GPC6: variants seen among roughly 807,000 people sequenced by gnomAD.
GPC6 encodes glypican-6.
In GPC6, 14 loss-of-function variants were observed where a neutral mutation model predicts 55.2. That is an observed-to-expected ratio of 0.25 (90% CI 0.17 to 0.40). The LOEUF (loss-of-function observed/expected upper bound fraction) is 0.40, where lower values mean the gene tolerates loss of function less well. GPC6 is among the 10% of genes least tolerant of loss of function. GPC6 has a pLI of 1.00. For missense variants in GPC6, 641 were observed against 708.5 expected (o/e 0.90, Z 1.08); for synonymous variants, 278 against 259.6 (o/e 1.07, Z -0.68).
At chr13:94,251,307 G>C (rs1411677777) in intron 4 of GPC6, among the ~76,000 whole-genome samples, 9 of 151,658 alleles carry the variant, frequency 5.9e-5, no homozygotes, top group Admixed American at 4.6e-4. Flanking sequence ...GGCAGGGGGT[G>C]GGGGGCAAAG....
At chr13:93,776,923 G>A (rs1041387924) in intron 2 of GPC6, among the ~76,000 whole-genome samples, 1 of 152,142 alleles carries the variant, frequency 6.6e-6, no homozygotes, top group Non-Finnish European at 1.5e-5. Flanking sequence ...AAACTATACG[G>A]AACAGTTGTG....
At chr13:93,439,814 C>A (rs558999913) in intron 1 of GPC6, among the ~76,000 whole-genome samples, 1 of 152,132 alleles carries the variant, frequency 6.6e-6, no homozygotes, top group African/African-American at 2.4e-5. Flanking sequence ...AGATATCTTC[C>A]TCTTCTACGC....
intron 6 of GPC6, among the ~76,000 whole-genome samples, chr13:94,316,295 G>A (rs945486024): frequency 5.9e-5 from 9 of 152,110 alleles, no homozygotes; most frequent in Non-Finnish European, 1.2e-4. Flanking sequence ...GATGCCAACG[G>A]AGCTTACCTG....
intron 1 of GPC6, among the ~76,000 whole-genome samples, chr13:93,351,191 G>A (rs1176390034): frequency 6.6e-6 from 1 of 152,076 alleles, no homozygotes; most frequent in Non-Finnish European, 1.5e-5. Flanking sequence ...ACAAGAAACA[G>A]CATTCCCAAC....
chr13:93,311,449 A>G (rs1879065107), intron 1 of GPC6, among the ~76,000 whole-genome samples: 1 of 152,138 alleles, frequency 6.6e-6, no homozygotes, highest in Non-Finnish European at 1.5e-5. Flanking sequence ...CTTCTCTTTC[A>G]GACATAGGAC....
intron 4 of GPC6, among the ~76,000 whole-genome samples, chr13:94,085,824 T>A (rs1281217396): frequency 6.6e-6 from 1 of 152,202 alleles, no homozygotes; most frequent in Non-Finnish European, 1.5e-5. Flanking sequence ...TTGCTCTACA[T>A]TCTCTTAAAT....
At chr13:94,259,303 A>T (rs1429513288) in intron 4 of GPC6, among the ~76,000 whole-genome samples, 2 of 152,210 alleles carry the variant, frequency 1.3e-5, no homozygotes, top group Non-Finnish European at 2.9e-5. Context: ...ATAGGGTTAG[A>T]CTAACCAGAA....
chr13:93,662,602 C>T (rs183633434), intron 2 of GPC6, among the ~76,000 whole-genome samples: 5 of 152,062 alleles, frequency 3.3e-5, no homozygotes, highest in African/African-American at 9.6e-5. Flanking sequence ...TGCACTCAAG[C>T]CTGGGGTACA....
chr13:93,927,983 C>G (rs1877948508), intron 3 of GPC6, among the ~76,000 whole-genome samples: 1 of 151,646 alleles, frequency 6.6e-6, no homozygotes, highest in African/African-American at 2.4e-5. Context: ...TTCAGATGAT[C>G]CAGGTCTGAT....
chr13:93,777,161 C>T (rs928731425), intron 2 of GPC6, among the ~76,000 whole-genome samples: 2 of 152,144 alleles, frequency 1.3e-5, no homozygotes, highest in African/African-American at 4.8e-5. Flanking sequence ...GTCATAATTG[C>T]CTAGCCATAG....
chr13:94,282,531 C>G (rs1325367368), intron 4 of GPC6, among the ~76,000 whole-genome samples: 1 of 152,174 alleles, frequency 6.6e-6, no homozygotes, highest in Non-Finnish European at 1.5e-5. Context: ...GGGACACAGC[C>G]AAACCATATC....
intron 1 of GPC6, among the ~76,000 whole-genome samples, chr13:93,333,017 G>A (rs1055843396): frequency 4.6e-5 from 7 of 152,128 alleles, no homozygotes. Context: ...CTGTAAATGT[G>A]TGGATTTATC....
chr13:93,424,695 A>T (rs927796037), intron 1 of GPC6, among the ~76,000 whole-genome samples: 1 of 152,080 alleles, frequency 6.6e-6, no homozygotes, highest in African/African-American at 2.4e-5. Flanking sequence ...TGTTTTGTCT[A>T]CAGATAATAG....
intron 2 of GPC6, among the ~76,000 whole-genome samples, chr13:93,604,397 AC>A (rs776864004): frequency 1.3e-5 from 2 of 152,210 alleles, no homozygotes; most frequent in Non-Finnish European, 2.9e-5. Context: ...CTTGCTTGCT[AC>A]CAAGTATAGG....
At chr13:93,801,167 T>A (rs573885662) in intron 2 of GPC6, among the ~76,000 whole-genome samples, 1 of 152,320 alleles carries the variant, frequency 6.6e-6, no homozygotes, top group Middle Eastern at 3.4e-3. Context: ...TTTTCTGGAT[T>A]GAGTATCACA....
chr13:93,455,867 C>T (rs1261912524), intron 1 of GPC6, among the ~76,000 whole-genome samples: 1 of 152,174 alleles, frequency 6.6e-6, no homozygotes, highest in African/African-American at 2.4e-5. Context: ...GCATCTACCG[C>T]TTTTCTAAGT....
At chr13:93,397,131 T>C (rs1407393407) in intron 1 of GPC6, among the ~76,000 whole-genome samples, 1 of 152,214 alleles carries the variant, frequency 6.6e-6, no homozygotes. Flanking sequence ...GAGGAATTAC[T>C]GGATCAAATT....
At chr13:93,535,136 C>T (rs1489055537) in intron 1 of GPC6, among the ~76,000 whole-genome samples, 1 of 152,010 alleles carries the variant, frequency 6.6e-6, no homozygotes, top group African/African-American at 2.4e-5. Context: ...TGTCTGGCTC[C>T]TTTTCAGTTG....
At chr13:94,190,773 A>G (rs547704074) in intron 4 of GPC6, among the ~76,000 whole-genome samples, 2 of 152,344 alleles carry the variant, frequency 1.3e-5, no homozygotes, top group East Asian at 3.9e-4. Context: ...TGTGTAACTA[A>G]TTCTCAAATA....
Sources: gnomAD v4.1 joint callset for allele counts (sites outside exome capture counted in the v4.1 genomes callset) on GRCh38, gnomAD v4.1.1 for gene constraint, MANE v1.5 for transcripts, NCBI Gene and HGNC (gene_info 2026-07-23, HGNC 2026-07-21) for gene names.